The following CECR2 variants were observed in gnomAD, a reference collection of about 807,000 sequenced individuals.
CECR2 encodes the protein CECR2 histone acetyl-lysine reader, also known as chromatin remodeling regulator CECR2.
A neutral mutation model predicts 154.5 loss-of-function variants in CECR2; 30 were observed. That is an observed-to-expected ratio of 0.19 (90% CI 0.15 to 0.26). The LOEUF (loss-of-function observed/expected upper bound fraction) is 0.26. Among genes scored for constraint, CECR2 ranks in the 10% least tolerant of loss-of-function variants. The pLI, the probability that CECR2 is intolerant of heterozygous loss-of-function variation, is 1.00. For missense variants in CECR2, 1,743 were observed against 1,829.3 expected, an observed-to-expected ratio of 0.95 and a Z score of 0.86; for synonymous variants, 725 against 683.7, an observed-to-expected ratio of 1.06 and a Z score of -0.94.
chr22:17,546,217 A>G (rs934182291), intron 16 of CECR2, among the ~76,000 whole-genome samples: 3 of 151,960 alleles, frequency 2.0e-5, no homozygotes, highest in Admixed American at 6.6e-5. Context: ...GGCCGGCGCG[A>G]TGGCTCACGC....
chr22:17,442,385 G>A (rs182511897), intron 1 of CECR2, among the ~76,000 whole-genome samples: 2 of 152,318 alleles, frequency 1.3e-5, no homozygotes, highest in Non-Finnish European at 2.9e-5. Flanking sequence ...GAGCAACATA[G>A]CGAGACCCCC....
At chr22:17,460,804 C>T (rs897323557) in intron 1 of CECR2, among the ~76,000 whole-genome samples, 11 of 152,234 alleles carry the variant, frequency 7.2e-5, no homozygotes, top group African/African-American at 2.7e-4. Context: ...TTCTCTCCCA[C>T]AAAGTGAAAC....
At chr22:17,364,362 A>AAAAAAAAAAAAG (rs1491212019) in intron 1 of CECR2, among the ~76,000 whole-genome samples, 13 of 133,424 alleles carry the variant, frequency 9.7e-5, no homozygotes, top group African/African-American at 2.3e-4. Context: ...AAAAAAAAAA[A>AAAAAAAAAAAAG]GAATTTGTGC....
intron 13 of CECR2, 120 bp from the exon 14 acceptor site, chr22:17,540,292 A>G (rs903795928): frequency 2.2e-6 from 2 of 928,022 alleles, no homozygotes; most frequent in Non-Finnish European, 3.0e-6. Flanking sequence ...TGCATCTTCT[A>G]TTTATTAGAA....
At chr22:17,490,631 A>G (rs981207203) in intron 2 of CECR2, among the ~76,000 whole-genome samples, 3 of 151,332 alleles carry the variant, frequency 2.0e-5, no homozygotes, top group Non-Finnish European at 1.5e-5. Context: ...TTTTATTTTT[A>G]GTAGAGACAG....
At chr22:17,382,053 AATTT>A (rs1405592891) in intron 1 of CECR2, among the ~76,000 whole-genome samples, 4 of 69,300 alleles carry the variant, frequency 5.8e-5, no homozygotes, top group African/African-American at 1.8e-4. Context: ...ACGCCCTGCT[AATTT>A]TTTTTTTTTT....
At chr22:17,408,440 G>A (rs1474001024) in intron 1 of CECR2, among the ~76,000 whole-genome samples, 1 of 152,008 alleles carries the variant, frequency 6.6e-6, no homozygotes, top group Non-Finnish European at 1.5e-5. Context: ...CAGCTGTCAT[G>A]GTAGCCAGAA....
At chr22:17,551,954 G>A (rs1224500457) in intron 17 of CECR2, 77 bp from the exon 18 acceptor site, 6 of 1,374,252 alleles carry the variant, frequency 4.4e-6, no homozygotes, top group African/African-American at 1.4e-5. Context: ...CAGTACCCTC[G>A]TGACTACAGT....
At chr22:17,524,383 A>ATTTATTTTT in intron 9 of CECR2, 112 bp downstream of exon 9, 43 of 666,238 alleles carry the variant, frequency 6.5e-5, no homozygotes, top group Non-Finnish European at 7.8e-5. Flanking sequence ...GTTTCCGGCA[A>ATTTATTTTT]TTTCTTTTTT....
At chr22:17,401,830 C>T (rs1292128227) in intron 1 of CECR2, among the ~76,000 whole-genome samples, 4 of 75,388 alleles carry the variant, frequency 5.3e-5, no homozygotes, top group East Asian at 5.9e-4. Context: ...TATTTAACAC[C>T]CCCCCCCGCC....
At chr22:17,485,755 G>A (rs1296595907) in intron 2 of CECR2, among the ~76,000 whole-genome samples, 1 of 152,200 alleles carries the variant, frequency 6.6e-6, no homozygotes, top group African/African-American at 2.4e-5. Flanking sequence ...GGGTAGCAGA[G>A]TGAGACCCTG....
intron 2 of CECR2, among the ~76,000 whole-genome samples, chr22:17,486,027 T>C (rs2055414375): frequency 6.6e-6 from 1 of 152,228 alleles, no homozygotes; most frequent in Admixed American, 6.5e-5. Flanking sequence ...CAGCGCAGTC[T>C]TGAGTGCTGT....
chr22:17,519,980 A>G (rs548805280), intron 8 of CECR2, among the ~76,000 whole-genome samples: 1 of 152,114 alleles, frequency 6.6e-6, no homozygotes, highest in South Asian at 2.1e-4. Flanking sequence ...TAGTAAAGAC[A>G]GAGTTTCACC....
rs557273843 is a variant in CECR2 at position 17,451,987 on chromosome 22, G to A, written c.127-25601G>A. Among the ~76,000 whole-genome samples the A allele has an allele frequency of 5.9e-5, 9 of 152,310 alleles. No homozygotes were observed. The East Asian group carries it at 1.5e-3, about 26-fold the overall frequency. ...GTTCAGTGGGCCTGATGTAAGTCAA[G>A]GGAAATAGTAGGAATTAGTACCCTA... is the stretch of plus-strand genomic sequence containing the variant. On this transcript the variant is annotated intron_variant, in intron 1 of 18. Coordinates refer to ENST00000262608, the MANE Select transcript of CECR2 (RefSeq NM_001290047.2).
intron 1 of CECR2, among the ~76,000 whole-genome samples, chr22:17,477,356 G>A (rs1472498229): frequency 1.3e-5 from 2 of 152,144 alleles, no homozygotes; most frequent in African/African-American, 4.8e-5. Context: ...GCCGGTAAGA[G>A]GAATGGGGTT....
chr22:17,454,342 C>A (rs1245741510), intron 1 of CECR2, among the ~76,000 whole-genome samples: 1 of 151,724 alleles, frequency 6.6e-6, no homozygotes, highest in Non-Finnish European at 1.5e-5. Context: ...TACCTGTAAT[C>A]TCAGCAGGTA....
At chr22:17,379,311 G>T (rs1387560672) in intron 1 of CECR2, among the ~76,000 whole-genome samples, 1 of 152,236 alleles carries the variant, frequency 6.6e-6, no homozygotes, top group Middle Eastern at 3.4e-3. Flanking sequence ...AAGAGAGTTT[G>T]GGGCTAGTAG....
intron 6 of CECR2, among the ~76,000 whole-genome samples, chr22:17,503,758 C>A (rs1260540966): frequency 6.6e-6 from 1 of 151,962 alleles, no homozygotes; most frequent in African/African-American, 2.4e-5. Flanking sequence ...ACTTTAAAGT[C>A]AAAAAGAGGC....
chr22:17,486,563 G>T (rs1230639744), intron 2 of CECR2, among the ~76,000 whole-genome samples: 1 of 152,192 alleles, frequency 6.6e-6, no homozygotes, highest in Non-Finnish European at 1.5e-5. Context: ...TGGGAACGCG[G>T]GTGGCCTTGA....
Sources: allele counts gnomAD v4.1 joint callset (sites outside exome capture counted in the v4.1 genomes callset), GRCh38; gene constraint gnomAD v4.1.1; transcripts MANE v1.5; gene names NCBI Gene and HGNC (gene_info 2026-07-23, HGNC 2026-07-21).